The following SLC30A9 variants were observed in gnomAD, a reference collection of about 807,000 sequenced individuals.
The protein encoded by SLC30A9 is solute carrier family 30 member 9, also known as proton-coupled zinc antiporter SLC30A9, mitochondrial.
SLC30A9 carries 58 observed loss-of-function variants against 87.5 expected under a neutral mutation model. That is an observed-to-expected ratio of 0.66 (90% CI 0.54 to 0.82). The LOEUF (loss-of-function observed/expected upper bound fraction) is 0.82, where lower values mean the gene tolerates loss of function less well. Ranked by LOEUF, SLC30A9 falls within the 40% of genes least tolerant of loss-of-function variation. The pLI, the probability that SLC30A9 is intolerant of heterozygous loss-of-function variation, is 0.00. For synonymous variants in SLC30A9, 234 were observed against 233.0 expected, an observed-to-expected ratio of 1.00 and a Z score of -0.04; for missense variants, 557 against 679.1, an observed-to-expected ratio of 0.82 and a Z score of 2.00.
chr4:42,031,220 G>T (rs1167766180), intron 6 of SLC30A9, among the ~76,000 whole-genome samples: 1 of 151,550 alleles, frequency 6.6e-6, no homozygotes, highest in African/African-American at 2.4e-5. Context: ...TGTTGATCAT[G>T]TATTCAGTCA....
At chr4:42,062,257 G>A (rs761110398) in intron 10 of SLC30A9, among the ~76,000 whole-genome samples, 6 of 151,776 alleles carry the variant, frequency 4.0e-5, no homozygotes, top group Non-Finnish European at 7.4e-5. Flanking sequence ...CTGAGTTTGG[G>A]TTTGGGACTA....
intron 8 of SLC30A9, among the ~76,000 whole-genome samples, chr4:42,048,807 T>G (rs1302506219): frequency 6.6e-6 from 1 of 152,220 alleles, no homozygotes; most frequent in East Asian, 1.9e-4. Context: ...GACCATCTTT[T>G]CTCACCAGTT....
At chr4:42,082,519 G>A (rs530266044) in intron 17 of SLC30A9, among the ~76,000 whole-genome samples, 1 of 152,230 alleles carries the variant, frequency 6.6e-6, no homozygotes, top group East Asian at 1.9e-4. Flanking sequence ...TAATGCCATT[G>A]AGTGTTGAAA....
chr4:42,002,080 C>A (rs1715009492), intron 2 of SLC30A9, among the ~76,000 whole-genome samples: 1 of 151,790 alleles, frequency 6.6e-6, no homozygotes, highest in Non-Finnish European at 1.5e-5. Context: ...GTCCTTTTTT[C>A]ATTCCTAATA....
At chr4:41,998,616 G>A (rs975361698) in intron 1 of SLC30A9, among the ~76,000 whole-genome samples, 1 of 151,874 alleles carries the variant, frequency 6.6e-6, no homozygotes, top group South Asian at 2.1e-4. Flanking sequence ...GGCGCCCACC[G>A]CCACGTCTGG....
Position 42,085,675 on chromosome 4 carries a change from A to G in SLC30A9, c.1663-407A>G, listed in dbSNP as rs1718898979. On this transcript the variant is annotated intron_variant, in intron 17 of 17. Transcript: ENST00000264451. ...TAATCATAGCTCTGTTTTCTAGCAC[A>G]GGGCCCGGCCCAAGAATATATGGAT... Among the ~76,000 whole-genome samples, 3 of 152,208 alleles carry G rather than the reference A, an allele frequency of 2.0e-5. No homozygotes were observed. The South Asian group carries it at 6.2e-4, about 31-fold the overall frequency.
chr4:42,022,871 AAGTCCCCATGAAGATACTG>A lies in SLC30A9; in HGVS notation c.473_491del (p.Pro158LeufsTer6). 6.2e-7 allele frequency: 1 copy of A among 1,602,894 alleles called. No homozygotes were observed. Among genetic ancestry groups the A allele is most frequent in the Non-Finnish European group, 8.5e-7 (1 of 1,173,424 alleles). ...AACAACTTCGAAAAATCAGACGACGAAGTCCCCATGAAGATACTGAGTCTTTTACTGTATACTTGAGATC... is the reference window on the plus strand; with the variant it reads ...AACAACTTCGAAAAATCAGACGACGAAGTCTTTTACTGTATACTTGAGATC... On this transcript the variant is annotated frameshift_variant, in exon 5 of 18. Transcript: ENST00000264451. LOFTEE classifies it high-confidence loss of function.
chr4:42,040,402 T>C (rs994064770), intron 8 of SLC30A9, among the ~76,000 whole-genome samples: 1 of 152,076 alleles, frequency 6.6e-6, no homozygotes, highest in African/African-American at 2.4e-5. Context: ...AGGAGAGAAA[T>C]CTGAGTTAGA....
chr4:42,025,853 G>T (rs959216160), intron 6 of SLC30A9, among the ~76,000 whole-genome samples: 3 of 152,086 alleles, frequency 2.0e-5, no homozygotes, highest in Non-Finnish European at 2.9e-5. Context: ...TTTTAGTAGA[G>T]ACAGGGTTTC....
intron 6 of SLC30A9, among the ~76,000 whole-genome samples, chr4:42,028,397 G>T (rs1383121545): frequency 2.6e-5 from 4 of 152,194 alleles, no homozygotes; most frequent in Non-Finnish European, 5.9e-5. Context: ...GGGATTATAG[G>T]CATGAGCCAC....
At chr4:42,039,962 G>A (rs1716852918) in intron 8 of SLC30A9, among the ~76,000 whole-genome samples, 1 of 152,118 alleles carries the variant, frequency 6.6e-6, no homozygotes, top group East Asian at 1.9e-4. Flanking sequence ...AATTCTTTAA[G>A]GATTGGAGGG....
At chr4:42,040,918 G>A (rs1716897967) in intron 8 of SLC30A9, among the ~76,000 whole-genome samples, 1 of 152,016 alleles carries the variant, frequency 6.6e-6, no homozygotes, top group Non-Finnish European at 1.5e-5. Context: ...TCACGCTGCT[G>A]ATAAAGACAT....
At chr4:42,047,670 G>T (rs1374710529) in intron 8 of SLC30A9, among the ~76,000 whole-genome samples, 2 of 152,168 alleles carry the variant, frequency 1.3e-5, no homozygotes, top group Admixed American at 6.5e-5. Flanking sequence ...AGACAGTGTG[G>T]CGATTCCTCC....
chr4:42,053,693 T>C (rs1577710759), intron 9 of SLC30A9, among the ~76,000 whole-genome samples: 1 of 41,998 alleles, frequency 2.4e-5, no homozygotes, highest in Admixed American at 3.2e-4. Context: ...TGACTCGGTC[T>C]CCAAAAAAAA....
intron 8 of SLC30A9, among the ~76,000 whole-genome samples, chr4:42,041,467 C>T (rs771434044): frequency 2.0e-5 from 3 of 152,124 alleles, no homozygotes; most frequent in Non-Finnish European, 4.4e-5. Flanking sequence ...CTGGTACAGG[C>T]ACACACCTGG....
intron 1 of SLC30A9, among the ~76,000 whole-genome samples, chr4:41,998,473 T>TG (rs1248619354): frequency 7.3e-6 from 1 of 136,194 alleles, no homozygotes; most frequent in African/African-American, 2.8e-5. Flanking sequence ...TTTTTTTTTG[T>TG]TTGTTTTTGA....
intron 1 of SLC30A9, 110 bp downstream of exon 1, chr4:41,990,870 G>T: frequency 1.3e-6 from 1 of 767,280 alleles, no homozygotes; most frequent in South Asian, 1.5e-5. Flanking sequence ...GCCAACCTCA[G>T]AACCTTCCTT....
chr4:42,025,261 G>C (rs1222179012), intron 6 of SLC30A9, among the ~76,000 whole-genome samples: 1 of 152,202 alleles, frequency 6.6e-6, no homozygotes, highest in African/African-American at 2.4e-5. Context: ...TTCATGTGAT[G>C]GTGATGGTTG....
intron 14 of SLC30A9, chr4:42,070,077 T>G (rs1223301362): frequency 6.5e-6 from 1 of 153,066 alleles, no homozygotes; most frequent in Admixed American, 6.5e-5. Flanking sequence ...ACCCATATTA[T>G]TTTCTGTAGG....
Sources: gnomAD v4.1 joint callset for allele counts (sites outside exome capture counted in the v4.1 genomes callset) on GRCh38, gnomAD v4.1.1 for gene constraint, MANE v1.5 for transcripts, NCBI Gene and HGNC (gene_info 2026-07-23, HGNC 2026-07-21) for gene names.